FBXW7: variants seen among roughly 807,000 people sequenced by gnomAD.
FBXW7 encodes F-box and WD repeat domain containing 7.
A neutral mutation model predicts 86.3 loss-of-function variants in FBXW7; 11 were observed. The observed-to-expected ratio is 0.13, with a 90% CI of 0.08 to 0.21. FBXW7 has a LOEUF of 0.21. FBXW7 is among the 10% of genes least tolerant of loss of function. The pLI is 1.00. For missense variants in FBXW7, 488 were observed against 847.4 expected (o/e 0.58, Z 5.27); for synonymous variants, 313 against 297.9 (o/e 1.05, Z -0.52).
chr4:152,335,810 C>G lies in FBXW7; in HGVS notation c.861+1992G>C, dbSNP rs569242030. ...TTATTTTTAAATGTTGGCTAATCCT[C>G]TATTAAGAATTTCAGGTTTTGCTCT... On this transcript the variant is annotated intron_variant, in intron 7 of 13. Coordinates refer to ENST00000281708, the MANE Select transcript of FBXW7 (RefSeq NM_001349798.2). Among the ~76,000 whole-genome samples the G allele has an allele frequency of 2.2e-4, 34 of 152,232 alleles. No individual in the cohort carries two copies. In the East Asian group the frequency reaches 5.8e-3, roughly 26 times the overall value.
intron 6 of FBXW7, chr4:152,346,697 G>T: frequency 6.5e-6 from 3 of 462,006 alleles, no homozygotes; most frequent in Non-Finnish European, 1.1e-5. Flanking sequence ...TCATTGTCAG[G>T]CAACCATTAA....
At chr4:152,455,276 A>G (rs1434064131) in intron 2 of FBXW7, among the ~76,000 whole-genome samples, 1 of 152,238 alleles carries the variant, frequency 6.6e-6, no homozygotes, top group African/African-American at 2.4e-5. Flanking sequence ...AGAGTTAGTC[A>G]CATAACTACA....
At chr4:152,466,583 C>A (rs373508677) in intron 2 of FBXW7, among the ~76,000 whole-genome samples, 1 of 151,586 alleles carries the variant, frequency 6.6e-6, no homozygotes, top group Non-Finnish European at 1.5e-5. Context: ...AAGACATTTA[C>A]TTAATAGAGG....
chr4:152,351,218 C>A (rs1731781871), intron 4 of FBXW7, among the ~76,000 whole-genome samples: 1 of 152,032 alleles, frequency 6.6e-6, no homozygotes, highest in African/African-American at 2.4e-5. Context: ...CATAACATAG[C>A]ATGATACAAT....
At chr4:152,465,749 C>G (rs541585228) in intron 2 of FBXW7, among the ~76,000 whole-genome samples, 1 of 150,918 alleles carries the variant, frequency 6.6e-6, no homozygotes, top group South Asian at 2.1e-4. Flanking sequence ...GAGGCTGACA[C>G]AGGAGAATCG....
At chr4:152,463,897 A>C (rs1246089055) in intron 2 of FBXW7, among the ~76,000 whole-genome samples, 1 of 152,248 alleles carries the variant, frequency 6.6e-6, no homozygotes, top group Non-Finnish European at 1.5e-5. Context: ...AAAGAAAACA[A>C]ACATTTAGCC....
chr4:152,371,548 A>G (rs1167226785), intron 4 of FBXW7, among the ~76,000 whole-genome samples: 1 of 152,056 alleles, frequency 6.6e-6, no homozygotes, highest in Non-Finnish European at 1.5e-5. Context: ...AATCAGGTAA[A>G]TTGTATGTAC....
chr4:152,405,792 G>T (rs1737373954), intron 4 of FBXW7, among the ~76,000 whole-genome samples: 1 of 152,130 alleles, frequency 6.6e-6, no homozygotes, highest in Admixed American at 6.5e-5. Context: ...ATAAGAAAAA[G>T]TCAAGCCACT....
At chr4:152,507,871 G>A (rs971267291) in intron 2 of FBXW7, among the ~76,000 whole-genome samples, 4 of 148,520 alleles carry the variant, frequency 2.7e-5, no homozygotes, top group African/African-American at 5.0e-5. Context: ...GGGCAACACA[G>A]CAAGACTCTG....
intron 2 of FBXW7, among the ~76,000 whole-genome samples, chr4:152,509,806 T>C (rs1747794006): frequency 6.6e-6 from 1 of 152,162 alleles, no homozygotes. Flanking sequence ...CAATGGGTTG[T>C]CCTACTGACA....
intron 7 of FBXW7, among the ~76,000 whole-genome samples, chr4:152,334,551 T>C (rs1224351389): frequency 5.9e-5 from 9 of 152,228 alleles, no homozygotes; most frequent in Admixed American, 5.9e-4. Flanking sequence ...TTGCTTTCGT[T>C]ATCTAACTGA....
intron 2 of FBXW7, among the ~76,000 whole-genome samples, chr4:152,523,639 C>A (rs996483871): frequency 6.6e-6 from 1 of 152,172 alleles, no homozygotes; most frequent in South Asian, 2.1e-4. Flanking sequence ...CAAGCTGAAG[C>A]TGGAGACAAT....
intron 2 of FBXW7, among the ~76,000 whole-genome samples, chr4:152,420,493 G>A (rs990296096): frequency 6.6e-6 from 1 of 152,134 alleles, no homozygotes; most frequent in African/African-American, 2.4e-5. Flanking sequence ...TTCCCAGAAG[G>A]TTTTTGGTTT....
chr4:152,344,830 C>T (rs1731098069), intron 6 of FBXW7, among the ~76,000 whole-genome samples: 1 of 151,976 alleles, frequency 6.6e-6, no homozygotes, highest in Non-Finnish European at 1.5e-5. Context: ...AAAATGAGCC[C>T]TACCACAGAA....
chr4:152,530,122 C>CAT (rs201377079), intron 2 of FBXW7, among the ~76,000 whole-genome samples: 2,639 of 145,802 alleles, frequency 0.018, 90 homozygotes, highest in African/African-American at 0.061. Flanking sequence ...TATACGTGTA[C>CAT]ATATATATAT....
intron 7 of FBXW7, among the ~76,000 whole-genome samples, chr4:152,334,638 A>T (rs1172987872): frequency 6.6e-6 from 1 of 152,220 alleles, no homozygotes; most frequent in African/African-American, 2.4e-5. Context: ...AGCAGCTTAG[A>T]TTTCAAAAGT....
intron 2 of FBXW7, among the ~76,000 whole-genome samples, chr4:152,442,010 G>A (rs1018858481): frequency 1.3e-5 from 2 of 152,038 alleles, no homozygotes; most frequent in East Asian, 3.9e-4. Context: ...AACCTCAATC[G>A]GAATTTTGAT....
At chr4:152,491,272 G>A (rs543279324) in intron 2 of FBXW7, among the ~76,000 whole-genome samples, 4 of 152,072 alleles carry the variant, frequency 2.6e-5, no homozygotes, top group South Asian at 4.2e-4. Context: ...TCTTCAATTT[G>A]GGTATCCTTC....
At chr4:152,520,670 C>T (rs963304834) in intron 2 of FBXW7, among the ~76,000 whole-genome samples, 7 of 152,114 alleles carry the variant, frequency 4.6e-5, no homozygotes, top group South Asian at 2.1e-4. Context: ...AATGATACTA[C>T]ATATTCATCT....
Sources: allele counts gnomAD v4.1 joint callset (sites outside exome capture counted in the v4.1 genomes callset), GRCh38; gene constraint gnomAD v4.1.1; transcripts MANE v1.5; gene names NCBI Gene and HGNC (gene_info 2026-07-23, HGNC 2026-07-21).